MFF: variants seen among roughly 807,000 people sequenced by gnomAD.
The protein encoded by MFF is mitochondrial fission factor.
Under a neutral mutation model 36.9 loss-of-function variants are expected in MFF, and 12 were observed. The observed-to-expected ratio is 0.33, with a 90% CI of 0.21 to 0.53. The LOEUF (loss-of-function observed/expected upper bound fraction) is 0.53, where lower values mean the gene tolerates loss of function less well. Among genes scored for constraint, MFF ranks in the 20% least tolerant of loss-of-function variants. MFF has a pLI of 0.95. For missense variants in MFF, 348 were observed against 366.6 expected (o/e 0.95, Z 0.42); for synonymous variants, 99 against 126.2 (o/e 0.78, Z 1.44).
At chr2:227,327,870 T>C (rs1431898208) in intron 1 of MFF, among the ~76,000 whole-genome samples, 1 of 152,194 alleles carries the variant, frequency 6.6e-6, no homozygotes, top group Non-Finnish European at 1.5e-5. Flanking sequence ...AATATGAGCT[T>C]TTGCTATGCT....
chr2:227,343,960 G>A (rs960819690), intron 5 of MFF, among the ~76,000 whole-genome samples: 1 of 152,070 alleles, frequency 6.6e-6, no homozygotes, highest in African/African-American at 2.4e-5. Flanking sequence ...GCTAACTTTT[G>A]TATTTTTAGT....
intron 1 of MFF, among the ~76,000 whole-genome samples, chr2:227,326,118 T>C (rs1291375685): frequency 2.0e-5 from 3 of 151,120 alleles, no homozygotes; most frequent in Non-Finnish European, 2.9e-5. Flanking sequence ...ATTACTATCG[T>C]AAAAGAACAC....
At chr2:227,344,166 A>G (rs1267684614) in intron 5 of MFF, among the ~76,000 whole-genome samples, 1 of 152,244 alleles carries the variant, frequency 6.6e-6, no homozygotes, top group Non-Finnish European at 1.5e-5. Flanking sequence ...GAAGCATGGT[A>G]AACATCAGTG....
intron 5 of MFF, among the ~76,000 whole-genome samples, chr2:227,341,901 C>G (rs569683002): frequency 1.3e-4 from 19 of 151,864 alleles, no homozygotes; most frequent in Admixed American, 1.2e-3. Flanking sequence ...ATTTTTTCTC[C>G]CGAAGTATAT....
chr2:227,349,932 T>G (rs1328560149), intron 6 of MFF, among the ~76,000 whole-genome samples: 2 of 152,148 alleles, frequency 1.3e-5, no homozygotes, highest in African/African-American at 4.8e-5. Context: ...TAATTTAAAC[T>G]AGAACTATTT....
intron 5 of MFF, among the ~76,000 whole-genome samples, chr2:227,343,189 G>A (rs73994249): frequency 0.024 from 3,645 of 150,858 alleles, 142 homozygotes; most frequent in African/African-American, 0.083. Context: ...TTTAATTTCA[G>A]CGCACTGTCT....
intron 5 of MFF, 184 bp from the exon 6 acceptor site, chr2:227,347,042 C>G (rs147656776): frequency 1.9e-6 from 1 of 532,648 alleles, no homozygotes; most frequent in Non-Finnish European, 3.3e-6. Context: ...TAAGTGCTGC[C>G]TTGTAGCTAG....
chr2:227,327,058 G>A (rs541551960), intron 1 of MFF, among the ~76,000 whole-genome samples: 10 of 152,076 alleles, frequency 6.6e-5, no homozygotes, highest in Admixed American at 1.3e-4. Flanking sequence ...ATTTATATAT[G>A]TACAGCCATG....
Position 227,326,620 on chromosome 2 carries a change from T to G in MFF, c.-153+1193T>G, listed in dbSNP as rs187635364. Among the ~76,000 whole-genome samples the G allele has an allele frequency of 3.3e-5, 5 of 152,350 alleles. No homozygotes were observed. In the East Asian group the frequency reaches 9.6e-4, roughly 29 times the overall value. On this transcript the variant is annotated intron_variant, in intron 1 of 8. Coordinates refer to ENST00000304593, the MANE Select transcript of MFF (RefSeq NM_001277062.2). Reference sequence around the variant, plus strand: ...TCCTCTCTTCTGGTATTGAAACTTTTCTGTGGGTTCATAACCTTATTTTAA... The same window carrying G: ...TCCTCTCTTCTGGTATTGAAACTTTGCTGTGGGTTCATAACCTTATTTTAA...
intron 4 of MFF, among the ~76,000 whole-genome samples, chr2:227,334,151 A>C (rs2074811681): frequency 6.6e-6 from 1 of 152,240 alleles, no homozygotes. Flanking sequence ...CTCTGAAATA[A>C]AGATAAGAAT....
intron 1 of MFF, 166 bp downstream of exon 1, chr2:227,325,593 C>G (rs1300451746): frequency 1.3e-5 from 2 of 152,356 alleles, no homozygotes; most frequent in Non-Finnish European, 2.9e-5. Context: ...GCCTTCAACC[C>G]TGGTCTTTCC....
chr2:227,325,831 C>A (rs550096585), intron 1 of MFF, among the ~76,000 whole-genome samples: 31 of 152,212 alleles, frequency 2.0e-4, no homozygotes, highest in Admixed American at 3.3e-4. Flanking sequence ...GGCCCTGACA[C>A]CTTACAGGCT....
At chr2:227,354,989 C>T (rs2076187811) in intron 7 of MFF, among the ~76,000 whole-genome samples, 1 of 152,070 alleles carries the variant, frequency 6.6e-6, no homozygotes, top group South Asian at 2.1e-4. Flanking sequence ...GGTGAAACCC[C>T]ATCTCTACTA....
chr2:227,328,459 T>A (rs2074336609), intron 1 of MFF, among the ~76,000 whole-genome samples: 1 of 152,168 alleles, frequency 6.6e-6, no homozygotes, highest in Non-Finnish European at 1.5e-5. Flanking sequence ...ACAGAGCTAG[T>A]CTTTTATATT....
intron 6 of MFF, among the ~76,000 whole-genome samples, chr2:227,350,046 C>T (rs1327538064): frequency 6.6e-6 from 1 of 152,092 alleles, no homozygotes; most frequent in African/African-American, 2.4e-5. Flanking sequence ...TTTTAAAGGA[C>T]GCTGTCAAAA....
intron 5 of MFF, among the ~76,000 whole-genome samples, chr2:227,341,891 A>C (rs1283075474): frequency 6.6e-6 from 1 of 151,976 alleles, no homozygotes; most frequent in African/African-American, 2.4e-5. Flanking sequence ...CACCACTCTT[A>C]TTTTTTCTCC....
chr2:227,355,741 G>A lies in MFF; in HGVS notation c.724G>A (p.Ala242Thr). ...GTCAGATGACCTGACTGTTGTAGAT[G>A]CAGCTTCACTAAGACGACAGGTATT... ...GTSDDLTVVD[A>T]ASLRRQIIKL... Residue 242 changes from alanine (A) to threonine (T), a missense_variant, in exon 8 of 9, where the codon GCA (alanine) becomes ACA (threonine). Ala to Thr is a moderately conservative substitution (Grantham distance 58, BLOSUM62 0). Transcript: ENST00000304593. 6.2e-7 allele frequency: 1 copy of A among 1,608,386 alleles called. No individual in the cohort carries two copies. Among genetic ancestry groups the A allele is most frequent in the Non-Finnish European group, 8.5e-7 (1 of 1,175,128 alleles).
chr2:227,346,207 G>A (rs975057580), intron 5 of MFF: 2 of 166,984 alleles, frequency 1.2e-5, no homozygotes, highest in African/African-American at 4.8e-5. Flanking sequence ...TTTACCATCT[G>A]CTTTGTTTTT....
At chr2:227,353,563 A>T (rs964310311) in intron 7 of MFF, among the ~76,000 whole-genome samples, 1 of 152,142 alleles carries the variant, frequency 6.6e-6, no homozygotes, top group Non-Finnish European at 1.5e-5. Context: ...GTTTTCCCTT[A>T]TATTTTTCTC....
Sources: allele counts gnomAD v4.1 joint callset (sites outside exome capture counted in the v4.1 genomes callset), GRCh38; gene constraint gnomAD v4.1.1; transcripts MANE v1.5; gene names NCBI Gene and HGNC (gene_info 2026-07-23, HGNC 2026-07-21).